Variants in IFT140 observed in about 807,000 individuals in gnomAD.
The protein encoded by IFT140 is intraflagellar transport 140.
In IFT140, 133 loss-of-function variants were observed where a neutral mutation model predicts 164.6. That is an observed-to-expected ratio of 0.81 (90% confidence interval 0.70 to 0.93). IFT140 has a LOEUF of 0.93. Ranked by LOEUF, IFT140 falls within the 40% of genes least tolerant of loss-of-function variation. The pLI is 0.00. For synonymous variants in IFT140, 860 were observed against 817.3 expected, an observed-to-expected ratio of 1.05 and a Z score of -0.89; for missense variants, 2,045 against 1,972.3, an observed-to-expected ratio of 1.04 and a Z score of -0.70.
rs140159548 is a variant in IFT140, at chr16:1,602,411, G to T, written c.328C>A (p.Arg110Ser). ...AGGCAGTTTCCACTGGGGCTCCAAC[G>T]GAGCACGGTGATGTCGGCTGTGTGT... ...LTHTADITVL[R>S]WSPSGNCLLS... The change falls in exon 4 of 31, where the codon CGT becomes AGT. Residue 110 changes from arginine (R) to serine (S), a missense_variant. Arg to Ser is a moderately radical substitution (Grantham distance 110). Transcript: ENST00000426508. The T allele has an allele frequency of 2.5e-5, 40 of 1,614,098 alleles. No homozygotes were observed. The highest frequency in any genetic ancestry group is 5.0e-5 in the Admixed American group (3 of 60,000).
At chr16:1,534,830 G>C (rs1480246419) in intron 19 of IFT140, among the ~76,000 whole-genome samples, 1 of 152,062 alleles carries the variant, frequency 6.6e-6, no homozygotes, top group Non-Finnish European at 1.5e-5. Flanking sequence ...TCAGGCATTT[G>C]GGGGGCCTCT....
At chr16:1,530,422 C>T (rs771564849) in intron 19 of IFT140, among the ~76,000 whole-genome samples, 2 of 152,092 alleles carry the variant, frequency 1.3e-5, no homozygotes, top group South Asian at 2.1e-4. Context: ...TGAGCCACTG[C>T]GCCCGGCCCA....
intron 13 of IFT140, among the ~76,000 whole-genome samples, chr16:1,575,793 T>C (rs1424796027): frequency 6.6e-6 from 1 of 150,642 alleles, no homozygotes; most frequent in Non-Finnish European, 1.5e-5. Context: ...TAGCAGGCCA[T>C]TCACTCTTTC....
intron 24 of IFT140, 143 bp from the exon 25 acceptor site, chr16:1,524,099 A>G: frequency 9.4e-7 from 1 of 1,062,300 alleles, no homozygotes; most frequent in Non-Finnish European, 1.3e-6. Context: ...GGTTTTAAGG[A>G]GCTGATGACT....
At chr16:1,592,411 C>T in intron 5 of IFT140, 56 bp downstream of exon 5, 1 of 1,610,604 alleles carries the variant, frequency 6.2e-7, no homozygotes. Context: ...CAGCCCGCTT[C>T]CCACCTCCCC....
At chr16:1,611,667 T>C (rs1474211653) in intron 1 of IFT140, among the ~76,000 whole-genome samples, 34 of 149,488 alleles carry the variant, frequency 2.3e-4, no homozygotes, top group Admixed American at 3.3e-4. Flanking sequence ...ACACACAAAT[T>C]AGCGAGTATG....
chr16:1,598,282 C>A (rs1222236748), intron 4 of IFT140, among the ~76,000 whole-genome samples: 1 of 152,130 alleles, frequency 6.6e-6, no homozygotes, highest in Non-Finnish European at 1.5e-5. Context: ...CACAGTGAAA[C>A]CCCGTCTTTA....
Position 1,553,518 on chromosome 16 carries a change from G to A in IFT140, c.2399+4417C>T. 1.0e-6 allele frequency: 1 copy of A among 992,742 alleles called. No individual in the cohort carries two copies. 61.5% of individuals were successfully genotyped at this position (992,742 alleles called of 1,614,324 possible). On this transcript the variant is annotated intron_variant, in intron 19 of 30. Coordinates refer to ENST00000426508, the MANE Select transcript of IFT140 (RefSeq NM_014714.4). The surrounding 1 kb of genome is among the most constrained non-coding windows in gnomAD (Gnocchi z 4.4). ...CTCGGCGTGGCCGGAGCCTGGGGAG[G>A]GACATGGACAAGTCCTCTATGGACA...
intron 19 of IFT140, chr16:1,541,381 C>G: frequency 1.0e-5 from 10 of 985,442 alleles, no homozygotes; most frequent in Non-Finnish European, 1.2e-5. Context: ...TCCTCGGTCC[C>G]AAGTCCCTCA....
At chr16:1,600,238 CAG>C (rs2035722936) in intron 4 of IFT140, among the ~76,000 whole-genome samples, 2 of 145,546 alleles carry the variant, frequency 1.4e-5, no homozygotes, top group South Asian at 2.3e-4. Flanking sequence ...CTTTGTTAAA[CAG>C]ATGCTTGAAG....
At chr16:1,578,860 C>T (rs957559293) in intron 13 of IFT140, among the ~76,000 whole-genome samples, 1 of 152,088 alleles carries the variant, frequency 6.6e-6, no homozygotes, top group Non-Finnish European at 1.5e-5. Flanking sequence ...TATAGGCGTG[C>T]GCCACCACAC....
chr16:1,577,904 C>T (rs1421680868), intron 13 of IFT140: 2 of 151,912 alleles, frequency 1.3e-5, no homozygotes, highest in Non-Finnish European at 2.9e-5. Flanking sequence ...AACAGATGCC[C>T]ACATGCAATG....
rs1475848693 is a variant in IFT140 at position 1,583,386 on chromosome 16, C to T, written c.1360G>A (p.Asp454Asn). ...MHISGVFATK[D>N]AVAVWNGRQV... ...CTTCCGTTCCAGACTGCGACAGCATCCTGAAAAGAACCACGGACATTCGAG... is the reference window on the plus strand; with the variant it reads ...CTTCCGTTCCAGACTGCGACAGCATTCTGAAAAGAACCACGGACATTCGAG... Residue 454 changes from aspartate to asparagine, a missense_variant and splice_region_variant, in exon 12 of 31, where the codon GAT becomes AAT. Coordinates refer to ENST00000426508, the MANE Select transcript of IFT140 (RefSeq NM_014714.4). 1.2e-6 allele frequency: 2 copies of T among 1,613,922 alleles called. No homozygotes were observed. The highest frequency in any genetic ancestry group is 2.7e-5 in the African/African-American group (2 of 74,926).
In IFT140 at chr16:1,567,936, G is replaced by A. The variant is rs184667523; in HGVS notation, c.1770+281C>T. ...AGGAAGCGAGCAACTCTCCAACAAGGAATCGACTGTTTCGATGAAGGAGGA... is the reference window on the plus strand; with the variant it reads ...AGGAAGCGAGCAACTCTCCAACAAGAAATCGACTGTTTCGATGAAGGAGGA... On this transcript the variant is annotated intron_variant, in intron 15 of 30. Coordinates refer to ENST00000426508, the MANE Select transcript of IFT140 (RefSeq NM_014714.4). Among the ~76,000 whole-genome samples the A allele has an allele frequency of 2.3e-3, 354 of 152,326 alleles. 3 individuals are homozygous for A. The highest frequency in any genetic ancestry group is 8.2e-3 in the African/African-American group (342 of 41,572).
At chr16:1,570,395 C>G (rs1185524923) in intron 14 of IFT140, among the ~76,000 whole-genome samples, 1 of 152,222 alleles carries the variant, frequency 6.6e-6, no homozygotes, top group African/African-American at 2.4e-5. Context: ...GATCCACTCT[C>G]CCAGGGCCTA....
intron 30 of IFT140, among the ~76,000 whole-genome samples, chr16:1,516,177 A>AAAAAAAAAC (rs1567318586): frequency 8.7e-6 from 1 of 115,160 alleles, no homozygotes; most frequent in Non-Finnish European, 1.8e-5. Flanking sequence ...AAAAAAAAAA[A>AAAAAAAAAC]ACACCAGAAA....
intron 7 of IFT140, 73 bp from the exon 8 acceptor site, chr16:1,588,097 G>GTC: frequency 8.0e-7 from 1 of 1,253,516 alleles, no homozygotes; most frequent in Non-Finnish European, 1.1e-6. Flanking sequence ...GGAGCCTGGA[G>GTC]TCTCTGGTCC....
intron 6 of IFT140, among the ~76,000 whole-genome samples, chr16:1,591,589 G>GT (rs1455582345): frequency 2.0e-5 from 3 of 152,192 alleles, no homozygotes; most frequent in African/African-American, 4.8e-5. Context: ...TCACATGGCT[G>GT]TAAGAGATGC....
intron 19 of IFT140, among the ~76,000 whole-genome samples, chr16:1,550,141 T>C (rs35225748): frequency 0.013 from 2,003 of 152,244 alleles, 49 homozygotes; most frequent in African/African-American, 0.046. Flanking sequence ...GGTTTCACTA[T>C]GTTGCCCAGG....
Sources: allele counts gnomAD v4.1 joint callset (sites outside exome capture counted in the v4.1 genomes callset), GRCh38; gene constraint gnomAD v4.1.1; non-coding constraint Gnocchi (gnomAD v3.1); transcripts MANE v1.5; gene names NCBI Gene and HGNC (gene_info 2026-07-23, HGNC 2026-07-21).